The following CCDC150 variants were observed in gnomAD, a reference collection of about 807,000 sequenced individuals.
CCDC150 encodes the protein coiled-coil domain containing 150, also known as coiled-coil domain-containing protein 150.
CCDC150 carries 151 observed loss-of-function variants against 156.5 expected under a neutral mutation model. The observed-to-expected ratio is 0.97, with a 90% confidence interval of 0.85 to 1.10. CCDC150 has a LOEUF of 1.10. Ranked by LOEUF, CCDC150 falls within the 50% of genes least tolerant of loss-of-function variation. The pLI is 0.00. For missense variants in CCDC150, 1,312 were observed against 1,268.1 expected, an observed-to-expected ratio of 1.03 and a Z score of -0.53; for synonymous variants, 452 against 429.4, an observed-to-expected ratio of 1.05 and a Z score of -0.65.
chr2:196,640,524 T>G (rs1692151845), intron 1 of CCDC150, among the ~76,000 whole-genome samples: 1 of 152,214 alleles, frequency 6.6e-6, no homozygotes, highest in African/African-American at 2.4e-5. Flanking sequence ...ATCCACAAAT[T>G]CAATAATGTA....
In CCDC150 at chr2:196,661,876, G is replaced by C. The variant is rs1693583367; in HGVS notation, c.645+3016G>C. 3.3e-5 allele frequency among the ~76,000 whole-genome samples: 5 copies of C among 152,080 alleles called. No homozygotes were observed. The South Asian group carries it at 1.0e-3, about 31-fold the overall frequency. The stretch of plus-strand genomic sequence containing the variant: ...TTTAAAAGTGGCCGTTCTTTAAAAA[G>C]GTGGCCAGCTGAATGCTTTCAAGCC... On this transcript the variant is annotated intron_variant, in intron 5 of 27. Coordinates refer to ENST00000389175, the MANE Select transcript of CCDC150 (RefSeq NM_001080539.2).
At chr2:196,686,894 A>G (rs1432528707) in intron 13 of CCDC150, among the ~76,000 whole-genome samples, 1 of 152,168 alleles carries the variant, frequency 6.6e-6, no homozygotes, top group Admixed American at 6.5e-5. Flanking sequence ...TAGTTTGCTA[A>G]GGATAATGGC....
intron 2 of CCDC150, among the ~76,000 whole-genome samples, chr2:196,654,609 C>T (rs1173170223): frequency 6.6e-6 from 1 of 151,970 alleles, no homozygotes; most frequent in African/African-American, 2.4e-5. Context: ...TTTATACTTT[C>T]TTACTCTCTT....
intron 15 of CCDC150, among the ~76,000 whole-genome samples, chr2:196,710,584 G>A (rs1057233789): frequency 6.6e-5 from 10 of 152,250 alleles, no homozygotes; most frequent in East Asian, 1.9e-4. Flanking sequence ...CTTCTGTGTC[G>A]GGCACGCTGG....
rs552941470 is a variant in CCDC150, at chr2:196,722,192, C to G, written c.2429+501C>G. On this transcript the variant is annotated intron_variant, in intron 21 of 27. Coordinates refer to ENST00000389175, the MANE Select transcript of CCDC150 (RefSeq NM_001080539.2). The stretch of plus-strand genomic sequence containing the variant: ...TAAAGTTTTGCCTTAAATTATACCT[C>G]GGTAAATATTTAGATAATAATAGCA... 1.4e-4 allele frequency among the ~76,000 whole-genome samples: 22 copies of G among 152,236 alleles called. No individual in the cohort carries two copies. In the South Asian group the frequency reaches 3.7e-3, roughly 26 times the overall value.
intron 7 of CCDC150, chr2:196,667,349 T>G (rs1181908720): frequency 6.1e-6 from 1 of 163,580 alleles, no homozygotes; most frequent in African/African-American, 2.4e-5. Context: ...TCTCCTCTTT[T>G]TATAGATGAG....
chr2:196,716,031 G>GA (rs1207355439), intron 17 of CCDC150, among the ~76,000 whole-genome samples: 2 of 152,076 alleles, frequency 1.3e-5, no homozygotes, highest in African/African-American at 4.8e-5. Context: ...GAAAACCTAA[G>GA]AAAAAGAATA....
chr2:196,673,817 T>C (rs1437382816), intron 9 of CCDC150, among the ~76,000 whole-genome samples: 4 of 152,224 alleles, frequency 2.6e-5, no homozygotes, highest in African/African-American at 9.6e-5. Context: ...TATTTTGCTT[T>C]TATGAATATT....
intron 13 of CCDC150, among the ~76,000 whole-genome samples, chr2:196,687,631 C>T (rs754821536): frequency 1.3e-5 from 2 of 152,018 alleles, no homozygotes; most frequent in African/African-American, 4.8e-5. Flanking sequence ...TTTTTGCTTT[C>T]GTTGCGATTG....
Position 196,666,814 on chromosome 2 carries a change from G to C in CCDC150, c.858G>C (p.Leu286Phe). 1.9e-6 allele frequency: 3 copies of C among 1,613,132 alleles called. No individual in the cohort carries two copies. Among genetic ancestry groups the C allele is most frequent in the Non-Finnish European group, 2.5e-6 (3 of 1,179,388 alleles). The change falls in exon 7 of 28, where the codon TTG becomes TTC. Residue 286 changes from leucine (L) to phenylalanine (F), a missense_variant. Coordinates refer to ENST00000389175, the MANE Select transcript of CCDC150 (RefSeq NM_001080539.2). Reference sequence around the variant, plus strand: ...AGGAACAAAAAAAAAAAGAAGAGTTGGAGATTGCTACTTCACAGCTCAAAT... The same window carrying C: ...AGGAACAAAAAAAAAAAGAAGAGTTCGAGATTGCTACTTCACAGCTCAAAT... ...LAQEQKKKEE[L>F]EIATSQLKSD...
chr2:196,701,707 A>G (rs1021018711), intron 15 of CCDC150, among the ~76,000 whole-genome samples: 1 of 152,218 alleles, frequency 6.6e-6, no homozygotes, highest in Non-Finnish European at 1.5e-5. Flanking sequence ...TAGAATCACT[A>G]GGCAGTTTTT....
chr2:196,690,192 A>C (rs1210380908), intron 13 of CCDC150, among the ~76,000 whole-genome samples: 1 of 145,050 alleles, frequency 6.9e-6, no homozygotes, highest in Non-Finnish European at 1.5e-5. Context: ...ACATGGACAC[A>C]GGAAGGGGAA....
chr2:196,647,770 T>G (rs1467706434), intron 2 of CCDC150, among the ~76,000 whole-genome samples: 1 of 152,182 alleles, frequency 6.6e-6, no homozygotes, highest in Admixed American at 6.5e-5. Context: ...GATTTAAAAT[T>G]AGTCTTTTAA....
intron 17 of CCDC150, among the ~76,000 whole-genome samples, chr2:196,717,060 T>A (rs1322517901): frequency 6.6e-6 from 1 of 151,524 alleles, no homozygotes; most frequent in Non-Finnish European, 1.5e-5. Context: ...ATTTTATTTT[T>A]TTGTATTTTT....
intron 1 of CCDC150, 46 bp downstream of exon 1, chr2:196,639,824 G>T: frequency 1.3e-6 from 2 of 1,539,300 alleles, no homozygotes; most frequent in Non-Finnish European, 8.8e-7. Context: ...TCGGAGGCTC[G>T]CGAGGCTTCG....
At chr2:196,663,454 G>A (rs1693667763) in intron 5 of CCDC150, among the ~76,000 whole-genome samples, 1 of 148,252 alleles carries the variant, frequency 6.7e-6, no homozygotes, top group Admixed American at 6.9e-5. Flanking sequence ...TTAATACATA[G>A]TACTGATGAG....
intron 26 of CCDC150, among the ~76,000 whole-genome samples, 178 bp from the exon 27 acceptor site, chr2:196,731,829 AAGTCTGCATGCATTCTTTAACCCCTC>A (rs1698537302): frequency 6.6e-6 from 1 of 152,212 alleles, no homozygotes; most frequent in African/African-American, 2.4e-5. Context: ...GAAAAGCAGC[AAGTCTGCATGCATTCTTTAACCCCTC>A]ACTCAGAAAT....
intron 5 of CCDC150, among the ~76,000 whole-genome samples, chr2:196,664,677 G>A (rs775695068): frequency 3.3e-5 from 5 of 152,054 alleles, no homozygotes; most frequent in African/African-American, 7.2e-5. Flanking sequence ...TTCTCCCCTC[G>A]TTAGAGGTTG....
intron 9 of CCDC150, among the ~76,000 whole-genome samples, 159 bp downstream of exon 9, chr2:196,672,596 A>C (rs1476070202): frequency 6.6e-6 from 1 of 152,190 alleles, no homozygotes; most frequent in Non-Finnish European, 1.5e-5. Flanking sequence ...AACATTATCA[A>C]ATTAACTACG....
Sources: gnomAD v4.1 joint callset for allele counts (sites outside exome capture counted in the v4.1 genomes callset) on GRCh38, gnomAD v4.1.1 for gene constraint, MANE v1.5 for transcripts, NCBI Gene and HGNC (gene_info 2026-07-23, HGNC 2026-07-21) for gene names.